RIPK3: variants seen among roughly 807,000 people sequenced by gnomAD.
RIPK3 encodes the protein receptor interacting serine/threonine kinase 3.
RIPK3 carries 51 observed loss-of-function variants against 51.6 expected under a neutral mutation model. The observed-to-expected ratio is 0.99, with a 90% CI of 0.79 to 1.25. The LOEUF is 1.25. Among genes scored for constraint, RIPK3 ranks in the 50% most tolerant of loss-of-function variants. The pLI is 0.00. For synonymous variants in RIPK3, 246 were observed against 257.7 expected, an observed-to-expected ratio of 0.95 and a Z score of 0.44; for missense variants, 654 against 650.4, an observed-to-expected ratio of 1.01 and a Z score of -0.06.
rs1358820938 is a variant in RIPK3, at chr14:24,339,356, G to A, written c.162-32C>T. On this transcript the variant is annotated intron_variant, in intron 2 of 9. Coordinates refer to ENST00000216274, the MANE Select transcript of RIPK3 (RefSeq NM_006871.4). The surrounding 1 kb of genome is among the most constrained non-coding windows in gnomAD (Gnocchi z 4.0). ...TCCAGGAGAGAGCTGGAGTCGCACC[G>A]GGGTCGTGGGAAAATCCCTCCCTTC... is the stretch of plus-strand genomic sequence containing the variant. 1 of 1,607,566 alleles carries A rather than the reference G, an allele frequency of 6.2e-7. No individual in the cohort carries two copies. The highest frequency in any genetic ancestry group is 2.2e-5 in the East Asian group (1 of 44,742).
In RIPK3 at chr14:24,336,603, G is replaced by T. The variant is rs142032353; in HGVS notation, c.1337-208C>A. On this transcript the variant is annotated intron_variant, in intron 9 of 9. Transcript: ENST00000216274. ...ATTTGAGACCCTGATCTTTTTTGCT[G>T]GGAGGTCCTCTGGACTGCTGAAACA... 737 of 752,760 alleles carry T rather than the reference G, an allele frequency of 9.8e-4. 10 individuals are homozygous for T. The East Asian group carries it at 0.019, about 20-fold the overall frequency. 46.6% of individuals were successfully genotyped at this position (752,760 alleles called of 1,614,324 possible). A position where few individuals can be genotyped will look rare whatever the true frequency, so the allele number is the denominator to read the frequency against.
Position 24,336,052 on chromosome 14 carries a change from T to C in RIPK3, c.*123A>G. ...GCATTCCATCATGTTTATTGACTCC[T>C]GGGGGACAGGTCACAAAGTCAGTTT... On this transcript the variant is annotated 3_prime_UTR_variant, in exon 10 of 10. Transcript: ENST00000216274. 4.2e-6 allele frequency: 4 copies of C among 958,706 alleles called. No homozygotes were observed. The South Asian group carries it at 7.0e-5, about 17-fold the overall frequency. The allele number at this position is 958,706 out of a possible 1,614,324, so 59.4% of individuals were successfully genotyped here. A position where few individuals can be genotyped will look rare whatever the true frequency, so the allele number is the denominator to read the frequency against.
At chr14:24,336,781 TCTCCC>T (rs1313862112) in intron 9 of RIPK3, 99 bp downstream of exon 9, 2 of 1,074,694 alleles carry the variant, frequency 1.9e-6, no homozygotes, top group Admixed American at 1.7e-5. Flanking sequence ...TAGATCATCT[TCTCCC>T]CTCCCCTCCA....
At position 24,336,461 on chromosome 14, in the gene RIPK3, T is replaced by G. The variant is rs1594676649; in HGVS notation, c.1337-66A>C. On this transcript the variant is annotated intron_variant, in intron 9 of 9. Coordinates refer to ENST00000216274, the MANE Select transcript of RIPK3 (RefSeq NM_006871.4). The stretch of plus-strand genomic sequence containing the variant: ...TCAGAAAGGCCAAGTTGGGGGTGGG[T>G]GGGGAGTATGAAGTCTCTACTTGTC... 3.8e-6 allele frequency: 6 copies of G among 1,570,940 alleles called. No homozygotes were observed. The South Asian group carries it at 7.0e-5, about 18-fold the overall frequency.
chr14:24,337,033 G>C (rs1293990187), intron 8 of RIPK3, 53 bp downstream of exon 8: 4 of 1,606,440 alleles, frequency 2.5e-6, no homozygotes, highest in Non-Finnish European at 3.4e-6. Flanking sequence ...GCTGGCAAGG[G>C]GACAGCATTT....
chr14:24,338,299 C>T lies in RIPK3; in HGVS notation c.618-4G>A, dbSNP rs1399587706. 6.6e-7 allele frequency: 1 copy of T among 1,525,924 alleles called. No individual in the cohort carries two copies. The highest frequency in any genetic ancestry group is 8.8e-7 in the Non-Finnish European group (1 of 1,136,624). 94.5% of individuals were successfully genotyped at this position (1,525,924 alleles called of 1,614,324 possible). On this transcript the variant is annotated splice_polypyrimidine_tract_variant and splice_region_variant and intron_variant, in intron 4 of 9. Coordinates refer to ENST00000216274, the MANE Select transcript of RIPK3 (RefSeq NM_006871.4). ...TGCCCACATTAGGATCCCGAAGCTG[C>T]AGGAGACACAAAGCTGAGGATCGGT...
chr14:24,338,732 GC>G, intron 3 of RIPK3, 165 bp from the exon 4 acceptor site: 1 of 994,854 alleles, frequency 1.0e-6, no homozygotes, highest in Non-Finnish European at 1.5e-6. Context: ...TTGTGGTAGG[GC>G]TAGGTCAAGG....
chr14:24,339,948 G>A lies in RIPK3; in HGVS notation c.-122C>T, dbSNP rs1283000841. ...CTGTCTGTGCAGGGGTCAGTCTCTA[G>A]ACCAAGACGGTGAGTCTACTTTCCG... On this transcript the variant is annotated 5_prime_UTR_variant, in exon 1 of 10. Coordinates refer to ENST00000216274, the MANE Select transcript of RIPK3 (RefSeq NM_006871.4). The surrounding 1 kb of genome is among the most constrained non-coding windows in gnomAD (Gnocchi z 4.0). 4.8e-6 allele frequency: 5 copies of A among 1,033,060 alleles called. No individual in the cohort carries two copies. The African/African-American group carries it at 6.5e-5, about 13-fold the overall frequency. 64.0% of individuals were successfully genotyped at this position (1,033,060 alleles called of 1,614,324 possible).
At chr14:24,338,142 G>T (rs1040890559) in intron 5 of RIPK3, 102 bp from the exon 6 acceptor site, 1 of 1,579,406 alleles carries the variant, frequency 6.3e-7, no homozygotes, top group African/African-American at 1.3e-5. Flanking sequence ...GGGGGCACGA[G>T]GAGGGAGGAG....
Position 24,337,246 on chromosome 14 carries a change from C to T in RIPK3, c.1115G>A (p.Ser372Asn), listed in dbSNP as rs773661034. The change falls in exon 8 of 10, where the codon AGC becomes AAC. Residue 372 changes from serine (S) to asparagine (N), a missense_variant. Coordinates refer to ENST00000216274, the MANE Select transcript of RIPK3 (RefSeq NM_006871.4). Reference sequence around the variant, plus strand: ...TGGAACCTGCTCCTCTTGTGCCCTGCTCCTCTTGGTAAGGCTCGGGCATTT... The same window carrying T: ...TGGAACCTGCTCCTCTTGTGCCCTGTTCCTCTTGGTAAGGCTCGGGCATTT... ...PKKCPSLTKR[S>N]RAQEEQVPQA... is the part of the protein sequence containing the mutation. 5 of 1,614,056 alleles carry T rather than the reference C, an allele frequency of 3.1e-6. No individual in the cohort carries two copies. The highest frequency in any genetic ancestry group is 4.5e-5 in the East Asian group (2 of 44,882).
In RIPK3 at chr14:24,339,550, T is replaced by C; in HGVS notation, c.68A>G (p.Asn23Ser). ...CCCGCCTTTGCCGACGAGCTCCTGGTTCTCCAGTTCCTCGATGGACACCAA... is the reference window on the plus strand; with the variant it reads ...CCCGCCTTTGCCGACGAGCTCCTGGCTCTCCAGTTCCTCGATGGACACCAA... ...APLVSIEELENQELVGKGGFG... is the reference protein window; with the variant it reads ...APLVSIEELESQELVGKGGFG... The change falls in exon 2 of 10, where the codon AAC becomes AGC. Residue 23 changes from asparagine (N) to serine (S), a missense_variant. Transcript: ENST00000216274. The surrounding 1 kb of genome is among the most constrained non-coding windows in gnomAD (Gnocchi z 4.0). The C allele has an allele frequency of 1.2e-6, 2 of 1,614,054 alleles. No homozygotes were observed. Among genetic ancestry groups the C allele is most frequent in the Non-Finnish European group, 1.7e-6 (2 of 1,179,970 alleles).
chr14:24,339,658 C>G lies in RIPK3; in HGVS notation c.21-61G>C. The G allele has an allele frequency of 1.2e-6, 2 of 1,606,020 alleles. No homozygotes were observed. The highest frequency in any genetic ancestry group is 1.7e-6 in the Non-Finnish European group (2 of 1,174,454). On this transcript the variant is annotated intron_variant, in intron 1 of 9. Coordinates refer to ENST00000216274, the MANE Select transcript of RIPK3 (RefSeq NM_006871.4). This position sits in a 1 kb window ranked among gnomAD's most constrained non-coding sequence, Gnocchi z 4.0. Reference sequence around the variant, plus strand: ...CGTGCCTCAGCGCTGCTCCCCGCGCCCCTGTGACTCGGCGTTCTCACTGCA... The same window carrying G: ...CGTGCCTCAGCGCTGCTCCCCGCGCGCCTGTGACTCGGCGTTCTCACTGCA...
chr14:24,339,236 A>G lies in RIPK3; in HGVS notation c.250T>C (p.Trp84Arg). The G allele has an allele frequency of 1.2e-6, 2 of 1,614,220 alleles. No individual in the cohort carries two copies. The highest frequency in any genetic ancestry group is 1.7e-6 in the Non-Finnish European group (2 of 1,180,038). The change falls in exon 3 of 10, where the codon TGG becomes CGG. Residue 84 changes from tryptophan (W) to arginine (R), a missense_variant. Coordinates refer to ENST00000216274, the MANE Select transcript of RIPK3 (RefSeq NM_006871.4). This position sits in a 1 kb window ranked among gnomAD's most constrained non-coding sequence, Gnocchi z 4.0. ...RLEGVIEKVN[W>R]DQDPKPALVT... Reference sequence around the variant, plus strand: ...AGAGCCGGCTTGGGATCTTGGTCCCAGTTCACCTTCTCGATAACCCCTTCT... The same window carrying G: ...AGAGCCGGCTTGGGATCTTGGTCCCGGTTCACCTTCTCGATAACCCCTTCT...
chr14:24,339,751 G>A lies in RIPK3; in HGVS notation c.20+56C>T. On this transcript the variant is annotated intron_variant, in intron 1 of 9. Transcript: ENST00000216274. The surrounding 1 kb of genome is among the most constrained non-coding windows in gnomAD (Gnocchi z 4.0). Reference sequence around the variant, plus strand: ...AAGACGTTCTCTGAGCGAGTCTGTGGGGCTCTCTGGGTGTGAATGTCGGAG... The same window carrying A: ...AAGACGTTCTCTGAGCGAGTCTGTGAGGCTCTCTGGGTGTGAATGTCGGAG... 6.4e-7 allele frequency: 1 copy of A among 1,565,752 alleles called. No individual in the cohort carries two copies. The highest frequency in any genetic ancestry group is 1.2e-5 in the South Asian group (1 of 83,188).
intron 9 of RIPK3, 55 bp downstream of exon 9, chr14:24,336,830 G>A (rs759152751): frequency 6.9e-7 from 1 of 1,441,552 alleles, no homozygotes; most frequent in South Asian, 1.1e-5. Flanking sequence ...AGGTCTGGAG[G>A]AGGAGTCTGG....
Position 24,336,150 on chromosome 14 carries a change from C to A in RIPK3, c.*25G>T. On this transcript the variant is annotated 3_prime_UTR_variant, in exon 10 of 10. Coordinates refer to ENST00000216274, the MANE Select transcript of RIPK3 (RefSeq NM_006871.4). Reference sequence around the variant, plus strand: ...TGGCACTCTTCCTTAACTCGTAACTCTTGGAGGCAAGCTTGGAAGGTGCTT... The same window carrying A: ...TGGCACTCTTCCTTAACTCGTAACTATTGGAGGCAAGCTTGGAAGGTGCTT... 1.2e-6 allele frequency: 2 copies of A among 1,604,078 alleles called. No homozygotes were observed. Among genetic ancestry groups the A allele is most frequent in the South Asian group, 2.2e-5 (2 of 90,222 alleles).
intron 9 of RIPK3, 63 bp downstream of exon 9, chr14:24,336,822 G>A (rs773057124): frequency 7.3e-7 from 1 of 1,366,586 alleles, no homozygotes; most frequent in South Asian, 1.2e-5. Flanking sequence ...CTAGATATAG[G>A]TCTGGAGGAG....
chr14:24,338,813 T>C, intron 3 of RIPK3: 1 of 675,412 alleles, frequency 1.5e-6, no homozygotes, highest in Non-Finnish European at 2.5e-6. Flanking sequence ...TGGAAATGAC[T>C]CGTGTGGCTC....
Position 24,339,913 on chromosome 14 carries a change from G to C in RIPK3, c.-87C>G, listed in dbSNP as rs1392368448. 5.0e-6 allele frequency: 7 copies of C among 1,407,988 alleles called. No individual in the cohort carries two copies. In the Admixed American group the frequency reaches 1.1e-4, roughly 23 times the overall value. 87.2% of individuals were successfully genotyped at this position (1,407,988 alleles called of 1,614,324 possible). ...TGGGGCTTGGTCCTTTCGCAGAGAGGGGAAGGGGTCTGTCTGTGCAGGGGT... is the reference window on the plus strand; with the variant it reads ...TGGGGCTTGGTCCTTTCGCAGAGAGCGGAAGGGGTCTGTCTGTGCAGGGGT... On this transcript the variant is annotated 5_prime_UTR_variant, in exon 1 of 10. Coordinates refer to ENST00000216274, the MANE Select transcript of RIPK3 (RefSeq NM_006871.4). This position sits in a 1 kb window ranked among gnomAD's most constrained non-coding sequence, Gnocchi z 4.0.
Sources: gnomAD v4.1 joint callset for allele counts on GRCh38, gnomAD v4.1.1 for gene constraint, Gnocchi (gnomAD v3.1) non-coding constraint, MANE v1.5 for transcripts, NCBI Gene and HGNC (gene_info 2026-07-23, HGNC 2026-07-21) for gene names.